KCNQ3: variants seen among roughly 807,000 people sequenced by gnomAD.
KCNQ3 encodes potassium voltage-gated channel subfamily KQT member 3.
A neutral mutation model predicts 92.5 loss-of-function variants in KCNQ3; 30 were observed. The ratio of observed to expected loss-of-function variants is 0.32; its 90% CI spans 0.24 to 0.44. The LOEUF is 0.44. KCNQ3 is among the 20% of genes least tolerant of loss of function. The probability of loss-of-function intolerance (pLI) is 1.00; values close to 1 mark genes in which losing one functional copy is unlikely to be tolerated. For missense variants in KCNQ3, 913 were observed against 1,140.3 expected (o/e 0.80, Z 2.87); for synonymous variants, 450 against 468.8 (o/e 0.96, Z 0.52).
chr8:132,146,005 G>T lies in KCNQ3; in HGVS notation c.1263-4674C>A, dbSNP rs10956642. Reference sequence around the variant, plus strand: ...AGGGCATGTGGCCAAAACATTCTAAGTGAGAGGCAGAGTGGCACCAGATGA... The same window carrying T: ...AGGGCATGTGGCCAAAACATTCTAATTGAGAGGCAGAGTGGCACCAGATGA... On this transcript the variant is annotated intron_variant, in intron 9 of 14. Transcript: ENST00000388996. Among the ~76,000 whole-genome samples, 665 of 152,370 alleles carry T rather than the reference G, an allele frequency of 4.4e-3. 7 individuals carry two copies. The highest frequency in any genetic ancestry group is 0.015 in the African/African-American group (638 of 41,586).
intron 1 of KCNQ3, among the ~76,000 whole-genome samples, chr8:132,405,379 T>C (rs1211677553): frequency 6.6e-6 from 1 of 152,180 alleles, no homozygotes; most frequent in Non-Finnish European, 1.5e-5. Flanking sequence ...AGCTCACCTT[T>C]CCTCCAGCAC....
intron 9 of KCNQ3, among the ~76,000 whole-genome samples, chr8:132,145,705 G>A (rs912635619): frequency 6.6e-6 from 1 of 152,210 alleles, no homozygotes; most frequent in African/African-American, 2.4e-5. Flanking sequence ...CACATTCATT[G>A]CTAGAAATCT....
chr8:132,306,405 T>A (rs932095193), intron 1 of KCNQ3, among the ~76,000 whole-genome samples: 1 of 152,232 alleles, frequency 6.6e-6, no homozygotes, highest in Non-Finnish European at 1.5e-5. Context: ...TGCAGATCTC[T>A]GATCATCCAT....
rs1160714025 is a variant in KCNQ3, at chr8:132,232,668, G to C, written c.387-46487C>G. 4.6e-5 allele frequency among the ~76,000 whole-genome samples: 7 copies of C among 152,256 alleles called. No individual in the cohort carries two copies. In the East Asian group the frequency reaches 1.2e-3, roughly 25 times the overall value. On this transcript the variant is annotated intron_variant, in intron 1 of 14. Transcript: ENST00000388996. ...AGCATTCAAATAACAAAATCAGATT[G>C]AGATGTGTCCTGTGACAGATATTCT...
At chr8:132,474,852 A>G (rs1822373917) in intron 1 of KCNQ3, among the ~76,000 whole-genome samples, 1 of 152,132 alleles carries the variant, frequency 6.6e-6, no homozygotes, top group Admixed American at 6.5e-5. Flanking sequence ...GGAGTCACCA[A>G]GTGAAAGCAG....
intron 1 of KCNQ3, among the ~76,000 whole-genome samples, chr8:132,246,276 G>A (rs1815175272): frequency 6.6e-6 from 1 of 152,176 alleles, no homozygotes; most frequent in African/African-American, 2.4e-5. Flanking sequence ...CTTCGAAATA[G>A]CCAAATGGGA....
chr8:132,435,016 C>A (rs2130829248), intron 1 of KCNQ3, among the ~76,000 whole-genome samples: 1 of 152,294 alleles, frequency 6.6e-6, no homozygotes, highest in South Asian at 2.1e-4. Flanking sequence ...AGGATTCATT[C>A]ATTCTATACA....
At chr8:132,451,122 G>A (rs745395915) in intron 1 of KCNQ3, among the ~76,000 whole-genome samples, 18 of 152,088 alleles carry the variant, frequency 1.2e-4, no homozygotes, top group African/African-American at 4.3e-4. Flanking sequence ...CATGGGGGTG[G>A]GTTTATCTTG....
In KCNQ3 at chr8:132,140,162, G is replaced by A. The variant is rs888501621; in HGVS notation, c.1482C>T (p.Asp494=). The A allele has an allele frequency of 3.1e-6, 5 of 1,613,278 alleles. No individual in the cohort carries two copies. The highest frequency in any genetic ancestry group is 1.3e-5 in the African/African-American group (1 of 74,888). ...WQSSEDAGTG[D]PMAEDRGYGN... ...CATAGCCCCTGTCTTCCGCCATGGGGTCACCTGTCCCGGCATCTGGGAGGG... is the reference window on the plus strand; with the variant it reads ...CATAGCCCCTGTCTTCCGCCATGGGATCACCTGTCCCGGCATCTGGGAGGG... The change falls in exon 11 of 15, where the codon GAC becomes GAT. Residue 494 remains aspartate, a synonymous_variant. Coordinates refer to ENST00000388996, the MANE Select transcript of KCNQ3 (RefSeq NM_004519.4).
At chr8:132,244,434 G>C (rs1386464594) in intron 1 of KCNQ3, among the ~76,000 whole-genome samples, 1 of 151,898 alleles carries the variant, frequency 6.6e-6, no homozygotes, top group East Asian at 1.9e-4. Flanking sequence ...AAGGAAAATG[G>C]AAAGGAGGAG....
At chr8:132,184,434 C>G (rs1826895237) in intron 2 of KCNQ3, 67 bp from the exon 3 acceptor site, 2 of 1,539,682 alleles carry the variant, frequency 1.3e-6, no homozygotes, top group Admixed American at 3.4e-5. Context: ...CTGGTGATTT[C>G]TATTCGGAAG....
At chr8:132,401,727 G>A (rs73708448) in intron 1 of KCNQ3, among the ~76,000 whole-genome samples, 1,949 of 152,300 alleles carry the variant, frequency 0.013, 38 homozygotes, top group African/African-American at 0.045. Flanking sequence ...AGCTATGAAA[G>A]AATCTCCTTT....
intron 12 of KCNQ3, among the ~76,000 whole-genome samples, 168 bp from the exon 13 acceptor site, chr8:132,134,556 A>AGAGGGGAGGAGAGGAGAAGT (rs1825011253): frequency 3.1e-5 from 2 of 65,080 alleles, no homozygotes; most frequent in Non-Finnish European, 8.9e-5. Flanking sequence ...AGAAGTGAGG[A>AGAGGGGAGGAGAGGAGAAGT]GAGGAGAGGG....
intron 1 of KCNQ3, among the ~76,000 whole-genome samples, chr8:132,192,045 G>A (rs2130221519): frequency 6.6e-6 from 1 of 152,318 alleles, no homozygotes; most frequent in South Asian, 2.1e-4. Context: ...AGGCTTAGGG[G>A]AAAGGTCAGG....
At chr8:132,412,941 C>A (rs1360150944) in intron 1 of KCNQ3, among the ~76,000 whole-genome samples, 1 of 152,222 alleles carries the variant, frequency 6.6e-6, no homozygotes, top group African/African-American at 2.4e-5. Context: ...GTCCCATCCA[C>A]CACCTCCCAA....
At chr8:132,255,104 A>G (rs967665506) in intron 1 of KCNQ3, among the ~76,000 whole-genome samples, 2 of 151,852 alleles carry the variant, frequency 1.3e-5, no homozygotes, top group East Asian at 1.9e-4. Context: ...TATTCCTCCA[A>G]TGCCCCCTCC....
chr8:132,129,798 G>A lies in KCNQ3; in HGVS notation c.2083C>T (p.Pro695Ser). The change falls in exon 15 of 15, where the codon CCA becomes TCA. Residue 695 changes from proline to serine, a missense_variant. This residue lies in a region of KCNQ3 where 375 missense variants were observed against 376.4 expected (regional missense o/e 1.00). Transcript: ENST00000388996. The surrounding 1 kb of genome is among the most constrained non-coding windows in gnomAD (Gnocchi z 5.9). ...CNYSETGPPE[P>S]PYSFHQVTID... The stretch of plus-strand genomic sequence containing the variant: ...GTCACCTGGTGGAAGCTGTAGGGTG[G>A]TTCCGGGGGGCCTGTCTCAGAATAG... 8 of 1,614,182 alleles carry A rather than the reference G, an allele frequency of 5.0e-6. No homozygotes were observed. The highest frequency in any genetic ancestry group is 5.9e-6 in the Non-Finnish European group (7 of 1,180,034).
At chr8:132,475,918 G>A (rs1243951475) in intron 1 of KCNQ3, among the ~76,000 whole-genome samples, 1 of 152,196 alleles carries the variant, frequency 6.6e-6, no homozygotes, top group Non-Finnish European at 1.5e-5. Context: ...CAGAGGCCTA[G>A]GGGGGAAAAA....
chr8:132,301,298 T>C (rs4736571), intron 1 of KCNQ3, among the ~76,000 whole-genome samples: 76,648 of 151,838 alleles, frequency 0.5, 20,378 homozygotes, highest in East Asian at 0.73. Context: ...ATCCCACTCC[T>C]ATCAGGTCAG....
Sources: gnomAD v4.1 joint callset for allele counts (sites outside exome capture counted in the v4.1 genomes callset) on GRCh38, gnomAD v4.1.1 for gene constraint, gnomAD v4.1.1 regional missense constraint, Gnocchi (gnomAD v3.1) non-coding constraint, MANE v1.5 for transcripts, NCBI Gene and HGNC (gene_info 2026-07-23, HGNC 2026-07-21) for gene names.